The following PTGFRN variants were observed in gnomAD, a reference collection of about 807,000 sequenced individuals.
The protein encoded by PTGFRN is prostaglandin F2 receptor inhibitor.
In PTGFRN, 35 loss-of-function variants were observed where a neutral mutation model predicts 83.2. The ratio of observed to expected loss-of-function variants is 0.42; its 90% CI spans 0.32 to 0.56. PTGFRN has a LOEUF of 0.56. Ranked by LOEUF, PTGFRN falls within the 20% of genes least tolerant of loss-of-function variation. The pLI is 0.11. For synonymous variants in PTGFRN, 519 were observed against 498.6 expected (o/e 1.04, Z -0.55); for missense variants, 1,051 against 1,179.5 (o/e 0.89, Z 1.60).
At chr1:116,948,438 G>A (rs1650255206) in intron 3 of PTGFRN, among the ~76,000 whole-genome samples, 1 of 152,170 alleles carries the variant, frequency 6.6e-6, no homozygotes, top group Admixed American at 6.5e-5. Context: ...TTTAGTTTTA[G>A]AATATGTTTT....
intron 4 of PTGFRN, among the ~76,000 whole-genome samples, chr1:116,956,467 G>A (rs1650495041): frequency 6.6e-6 from 1 of 152,340 alleles, no homozygotes; most frequent in Middle Eastern, 3.4e-3. Context: ...ATTTCAGGGT[G>A]GAGAATGGAG....
rs578125364 is a variant in PTGFRN at position 116,958,986 on chromosome 1, C to T, written c.1214-2257C>T. On this transcript the variant is annotated intron_variant, in intron 4 of 8. Transcript: ENST00000393203. The surrounding 1 kb of genome is among the most constrained non-coding windows in gnomAD (Gnocchi z 4.9). The stretch of plus-strand genomic sequence containing the variant: ...GCTCAGTGTTCTGGGGCAGTCTTAC[C>T]CTATGCACAGCTGGTGCAAATCTGC... 1.5e-3 allele frequency among the ~76,000 whole-genome samples: 227 copies of T among 152,300 alleles called. No homozygotes were observed. Among genetic ancestry groups the T allele is most frequent in the South Asian group, 1.5e-3 (7 of 4,818 alleles).
At position 116,935,987 on chromosome 1, in the gene PTGFRN, T is replaced by G. The variant is rs1050360554; in HGVS notation, c.50-5728T>G. Among the ~76,000 whole-genome samples the G allele has an allele frequency of 1.2e-4, 19 of 152,160 alleles. 1 individual carries two copies. The East Asian group carries it at 1.9e-3, about 15-fold the overall frequency. ...TCAAGATTGTTACTTAGTAGCGGCA[T>G]TTTTATGGGGAACTAAACTAATACA... On this transcript the variant is annotated intron_variant, in intron 1 of 8. Coordinates refer to ENST00000393203, the MANE Select transcript of PTGFRN (RefSeq NM_020440.4).
At chr1:116,979,555 A>G (rs1157833872) in intron 7 of PTGFRN, among the ~76,000 whole-genome samples, 2 of 152,142 alleles carry the variant, frequency 1.3e-5, no homozygotes, top group East Asian at 1.9e-4. Context: ...AGAGCCCTCA[A>G]AAATAATACC....
At chr1:116,986,764 G>T (rs765411883) in intron 8 of PTGFRN, 37 bp from the exon 9 acceptor site, 4 of 1,606,174 alleles carry the variant, frequency 2.5e-6, no homozygotes, top group Non-Finnish European at 3.4e-6. Context: ...CTCCCTCGCA[G>T]CACTGACTGG....
At chr1:116,973,147 G>A (rs928501295) in intron 6 of PTGFRN, among the ~76,000 whole-genome samples, 1 of 151,962 alleles carries the variant, frequency 6.6e-6, no homozygotes, top group Admixed American at 6.6e-5. Flanking sequence ...TGAACACCTG[G>A]GCTCAAGTGA....
intron 1 of PTGFRN, among the ~76,000 whole-genome samples, chr1:116,932,553 A>G (rs7365881): frequency 0.69 from 104,274 of 152,164 alleles, 37,665 homozygotes; most frequent in East Asian, 0.82. Context: ...TAAAGTTGGT[A>G]TCACTTAAAA....
intron 5 of PTGFRN, among the ~76,000 whole-genome samples, chr1:116,963,089 C>T (rs1402319411): frequency 6.6e-6 from 1 of 152,216 alleles, no homozygotes; most frequent in Non-Finnish European, 1.5e-5. Flanking sequence ...CAACCCAGTT[C>T]AAAGGCAGCT....
At chr1:116,954,972 T>C (rs1650446921) in intron 4 of PTGFRN, among the ~76,000 whole-genome samples, 1 of 152,220 alleles carries the variant, frequency 6.6e-6, no homozygotes, top group African/African-American at 2.4e-5. Context: ...TAATAATACC[T>C]TCCTTACAAA....
rs1570655616 is a variant in PTGFRN at position 116,941,447 on chromosome 1, G to A, written c.50-268G>A. Reference sequence around the variant, plus strand: ...TAACTGGAGGGAAGAAGCTATTGAGGTTTACAGTTAGCCTGCTTTTAATGC... The same window carrying A: ...TAACTGGAGGGAAGAAGCTATTGAGATTTACAGTTAGCCTGCTTTTAATGC... On this transcript the variant is annotated intron_variant, in intron 1 of 8. Coordinates refer to ENST00000393203, the MANE Select transcript of PTGFRN (RefSeq NM_020440.4). The surrounding 1 kb of genome is among the most constrained non-coding windows in gnomAD (Gnocchi z 5.0). Among the ~76,000 whole-genome samples the A allele has an allele frequency of 6.6e-6, 1 of 152,178 alleles. No individual in the cohort carries two copies. The highest frequency in any genetic ancestry group is 1.9e-4 in the East Asian group (1 of 5,194).
rs1650377879 is a variant in PTGFRN, at chr1:116,952,558, A to G, written c.1213+2986A>G. Among the ~76,000 whole-genome samples the G allele has an allele frequency of 6.6e-6, 1 of 151,440 alleles. No homozygotes were observed. The highest frequency in any genetic ancestry group is 2.4e-5 in the African/African-American group (1 of 41,058). On this transcript the variant is annotated intron_variant, in intron 4 of 8. Transcript: ENST00000393203. The surrounding 1 kb of genome is among the most constrained non-coding windows in gnomAD (Gnocchi z 4.0). ...GATCAAAAGGGTAAAAGAAGAATAGATATTGCAAGGTGGTTGGTATGAATT... is the reference window on the plus strand; with the variant it reads ...GATCAAAAGGGTAAAAGAAGAATAGGTATTGCAAGGTGGTTGGTATGAATT...
At position 116,961,565 on chromosome 1, in the gene PTGFRN, T is replaced by G; in HGVS notation, c.1536T>G (p.Asn512Lys). Residue 512 changes from asparagine to lysine, a missense_variant, in exon 5 of 9, where the codon AAT (asparagine) becomes AAG (lysine). Physicochemically the swap from Asn to Lys is moderately conservative, Grantham distance 94 (BLOSUM62 0). Transcript: ENST00000393203. This position sits in a 1 kb window ranked among gnomAD's most constrained non-coding sequence, Gnocchi z 5.4. The stretch of plus-strand genomic sequence containing the variant: ...GGACTACAGAGGAAGACAGAGGCAA[T>G]TATTACTGTGTTGTGTCTGCCTGGA... ...IQRTTEEDRG[N>K]YYCVVSAWTK... 1 of 1,614,106 alleles carries G rather than the reference T, an allele frequency of 6.2e-7. No individual in the cohort carries two copies. The highest frequency in any genetic ancestry group is 8.5e-7 in the Non-Finnish European group (1 of 1,180,024).
chr1:116,940,158 T>C (rs1335255530), intron 1 of PTGFRN, among the ~76,000 whole-genome samples: 1 of 152,224 alleles, frequency 6.6e-6, no homozygotes, highest in Non-Finnish European at 1.5e-5. Context: ...CAAAGTAGCA[T>C]GAACCAGGTT....
At chr1:116,916,862 G>C (rs967409267) in intron 1 of PTGFRN, among the ~76,000 whole-genome samples, 1 of 152,168 alleles carries the variant, frequency 6.6e-6, no homozygotes, top group African/African-American at 2.4e-5. Context: ...AGCAGACTCA[G>C]ATCTGCCCTC....
At chr1:116,974,409 GT>G in intron 7 of PTGFRN, 86 bp downstream of exon 7, 1 of 1,050,662 alleles carries the variant, frequency 9.5e-7, no homozygotes, top group Non-Finnish European at 1.4e-6. Flanking sequence ...ACAGATGTGG[GT>G]TAGGGATAGG....
intron 4 of PTGFRN, 101 bp downstream of exon 4, chr1:116,949,673 C>G: frequency 6.9e-7 from 1 of 1,454,788 alleles, no homozygotes; most frequent in Non-Finnish European, 9.2e-7. Flanking sequence ...TGCATGACTT[C>G]GACATTATTT....
chr1:116,984,886 T>C lies in PTGFRN; in HGVS notation c.2374T>C (p.Tyr792His). The C allele has an allele frequency of 6.2e-7, 1 of 1,614,222 alleles. No homozygotes were observed. Among genetic ancestry groups the C allele is most frequent in the Non-Finnish European group, 8.5e-7 (1 of 1,180,032 alleles). ...GSEDQDFGNY[Y>H]CSVTPWVKSP... ...CGAGGACCAGGACTTTGGCAACTACTACTGTTCCGTGACTCCATGGGTGAA... is the reference window on the plus strand; with the variant it reads ...CGAGGACCAGGACTTTGGCAACTACCACTGTTCCGTGACTCCATGGGTGAA... The change falls in exon 8 of 9, where the codon TAC becomes CAC. Residue 792 changes from tyrosine (Y) to histidine (H), a missense_variant. Tyr to His is a moderately conservative substitution (Grantham distance 83). Transcript: ENST00000393203.
chr1:116,959,803 G>A (rs769847410), intron 4 of PTGFRN, among the ~76,000 whole-genome samples: 2 of 151,986 alleles, frequency 1.3e-5, no homozygotes, highest in Non-Finnish European at 2.9e-5. Flanking sequence ...GCAAAACCCT[G>A]TCTCTACTAA....
chr1:116,914,120 C>G (rs538448626), intron 1 of PTGFRN, among the ~76,000 whole-genome samples: 1 of 152,310 alleles, frequency 6.6e-6, no homozygotes, highest in East Asian at 1.9e-4. Flanking sequence ...GGTGGGAACC[C>G]TGCTTTACAC....
Sources: allele counts gnomAD v4.1 joint callset (sites outside exome capture counted in the v4.1 genomes callset), GRCh38; gene constraint gnomAD v4.1.1; non-coding constraint Gnocchi (gnomAD v3.1); transcripts MANE v1.5; gene names NCBI Gene and HGNC (gene_info 2026-07-23, HGNC 2026-07-21).